Variants in FRMD4B observed in about 807,000 individuals in gnomAD.
FRMD4B encodes FERM domain-containing protein 4B.
In FRMD4B, 74 loss-of-function variants were observed where a neutral mutation model predicts 141.5. The ratio of observed to expected loss-of-function variants is 0.52; its 90% CI spans 0.43 to 0.63. FRMD4B has a LOEUF of 0.63. FRMD4B is among the 30% of genes least tolerant of loss of function. The pLI is 0.00. For missense variants in FRMD4B, 1,366 were observed against 1,253.4 expected (o/e 1.09, Z -1.36); for synonymous variants, 506 against 467.9 (o/e 1.08, Z -1.05).
chr3:69,523,659 G>A (rs1700888643), intron 1 of FRMD4B, among the ~76,000 whole-genome samples: 1 of 152,122 alleles, frequency 6.6e-6, no homozygotes, highest in African/African-American at 2.4e-5. Context: ...ATTTAGCAGT[G>A]TGAGAGGATG....
At chr3:69,336,119 A>G (rs1668863506) in intron 1 of FRMD4B, among the ~76,000 whole-genome samples, 2 of 152,046 alleles carry the variant, frequency 1.3e-5, no homozygotes, top group Admixed American at 6.6e-5. Context: ...GGGTGAAGTC[A>G]CCCTATGGAG....
chr3:69,415,234 G>C (rs1704837735), intron 2 of FRMD4B, among the ~76,000 whole-genome samples: 1 of 152,152 alleles, frequency 6.6e-6, no homozygotes, highest in Admixed American at 6.5e-5. Flanking sequence ...TCTATATTTT[G>C]TGAACAGGCA....
At chr3:69,522,998 C>T (rs1218064754) in intron 1 of FRMD4B, among the ~76,000 whole-genome samples, 1 of 151,978 alleles carries the variant, frequency 6.6e-6, no homozygotes, top group Non-Finnish European at 1.5e-5. Context: ...CTAAAGATTC[C>T]TCCTCTGAGG....
intron 1 of FRMD4B, among the ~76,000 whole-genome samples, chr3:69,475,088 A>G (rs67153783): frequency 0.21 from 31,680 of 152,072 alleles, 3,628 homozygotes; most frequent in East Asian, 0.42. Context: ...ACAGTTCTTA[A>G]TCTACAAAAC....
At chr3:69,467,965 C>T (rs576635226) in intron 1 of FRMD4B, among the ~76,000 whole-genome samples, 1 of 152,186 alleles carries the variant, frequency 6.6e-6, no homozygotes, top group Non-Finnish European at 1.5e-5. Flanking sequence ...CTGAAGCTAC[C>T]CTGAAAAGTT....
chr3:69,325,892 C>T (rs1006109158), intron 1 of FRMD4B, among the ~76,000 whole-genome samples: 43 of 152,072 alleles, frequency 2.8e-4, no homozygotes, highest in African/African-American at 1.0e-3. Flanking sequence ...GAGTACTATC[C>T]TGTTCTCCAG....
chr3:69,443,018 C>G (rs1299969053), intron 1 of FRMD4B, among the ~76,000 whole-genome samples: 1 of 152,114 alleles, frequency 6.6e-6, no homozygotes, highest in East Asian at 1.9e-4. Flanking sequence ...ATAATAAGCC[C>G]CTTTCAACCA....
chr3:69,410,761 A>G (rs1304472440), intron 2 of FRMD4B, among the ~76,000 whole-genome samples: 2 of 64,716 alleles, frequency 3.1e-5, no homozygotes, highest in African/African-American at 1.3e-4. Flanking sequence ...ATATATATAT[A>G]TATATATATA....
chr3:69,426,699 G>T (rs903690124), intron 2 of FRMD4B, among the ~76,000 whole-genome samples: 1 of 152,156 alleles, frequency 6.6e-6, no homozygotes, highest in African/African-American at 2.4e-5. Context: ...TGAGAGGAAA[G>T]ATCACACTGC....
Position 69,318,542 on chromosome 3 carries a change from A to G in FRMD4B, c.163-5025T>C, listed in dbSNP as rs115983374. On this transcript the variant is annotated intron_variant, in intron 1 of 22. Transcript: ENST00000398540. ...CTGGAGAGGGTAGCACAGATGAACT[A>G]GAGAGAAAAACACCAGGGTTACATG... 2.3e-3 allele frequency among the ~76,000 whole-genome samples: 350 copies of G among 152,312 alleles called. 3 individuals carry two copies. The highest frequency in any genetic ancestry group is 7.8e-3 in the African/African-American group (326 of 41,570).
At chr3:69,339,006 G>C (rs1702646730) in intron 1 of FRMD4B, among the ~76,000 whole-genome samples, 1 of 152,020 alleles carries the variant, frequency 6.6e-6, no homozygotes, top group Non-Finnish European at 1.5e-5. Context: ...TCCAAGCACA[G>C]ATCTTTACGC....
intron 1 of FRMD4B, among the ~76,000 whole-genome samples, chr3:69,358,279 A>G (rs1703381795): frequency 1.3e-5 from 2 of 152,186 alleles, no homozygotes; most frequent in Non-Finnish European, 2.9e-5. Context: ...CACAGGATTC[A>G]GTGCTCAGAA....
intron 11 of FRMD4B, among the ~76,000 whole-genome samples, chr3:69,210,219 C>T (rs1009967765): frequency 2.0e-5 from 3 of 152,320 alleles, no homozygotes; most frequent in Middle Eastern, 3.4e-3. Context: ...ATGGACACCT[C>T]GACAGTATGT....
chr3:69,478,686 T>G (rs1381542092), intron 1 of FRMD4B, among the ~76,000 whole-genome samples: 1 of 152,164 alleles, frequency 6.6e-6, no homozygotes, highest in Non-Finnish European at 1.5e-5. Context: ...ATTCTGTTGA[T>G]TTGGGGTGGA....
intron 1 of FRMD4B, among the ~76,000 whole-genome samples, chr3:69,467,171 A>G (rs1024980889): frequency 6.6e-6 from 1 of 152,178 alleles, no homozygotes. Flanking sequence ...GGAGCCAATG[A>G]GAAGTGGAGG....
rs569056052 is a variant in FRMD4B, at chr3:69,215,515, A to T, written c.876+748T>A. 7.9e-5 allele frequency among the ~76,000 whole-genome samples: 12 copies of T among 151,128 alleles called. No individual in the cohort carries two copies. The South Asian group carries it at 2.5e-3, about 32-fold the overall frequency. On this transcript the variant is annotated intron_variant, in intron 11 of 22. Coordinates refer to ENST00000398540, the MANE Select transcript of FRMD4B (RefSeq NM_015123.3). ...ACCTTGTTGGCCAGGCTGGTCTCAA[A>T]TTCCTGACCTTCTGATCCACCCACC... is the stretch of plus-strand genomic sequence containing the variant.
chr3:69,450,588 A>C (rs1235145006), intron 1 of FRMD4B, among the ~76,000 whole-genome samples: 1 of 152,218 alleles, frequency 6.6e-6, no homozygotes, highest in African/African-American at 2.4e-5. Context: ...CCCCGTCTCT[A>C]CTGAAAATAC....
At chr3:69,197,332 C>A (rs1431535914) in intron 12 of FRMD4B, among the ~76,000 whole-genome samples, 1 of 152,042 alleles carries the variant, frequency 6.6e-6, no homozygotes, top group African/African-American at 2.4e-5. Flanking sequence ...TAGTTAGAAA[C>A]TCTAAGGATG....
At chr3:69,527,325 C>T (rs995408084) in intron 1 of FRMD4B, among the ~76,000 whole-genome samples, 1 of 152,126 alleles carries the variant, frequency 6.6e-6, no homozygotes, top group Non-Finnish European at 1.5e-5. Context: ...GAAGAGAACA[C>T]CCAGAGCCCT....
Sources: gnomAD v4.1 joint callset for allele counts (sites outside exome capture counted in the v4.1 genomes callset) on GRCh38, gnomAD v4.1.1 for gene constraint, MANE v1.5 for transcripts, NCBI Gene and HGNC (gene_info 2026-07-23, HGNC 2026-07-21) for gene names.